Variants in CECR2 observed in about 807,000 individuals in gnomAD.
CECR2 encodes CECR2 histone acetyl-lysine reader, also known as chromatin remodeling regulator CECR2.
CECR2 carries 30 observed loss-of-function variants against 154.5 expected under a neutral mutation model. The ratio of observed to expected loss-of-function variants is 0.19; its 90% CI spans 0.15 to 0.26. The LOEUF is 0.26. Among genes scored for constraint, CECR2 ranks in the 10% least tolerant of loss-of-function variants. The probability of loss-of-function intolerance (pLI) is 1.00; values close to 1 mark genes in which losing one functional copy is unlikely to be tolerated. For missense variants in CECR2, 1,743 were observed against 1,829.3 expected, an observed-to-expected ratio of 0.95 and a Z score of 0.86; for synonymous variants, 725 against 683.7, an observed-to-expected ratio of 1.06 and a Z score of -0.94.
chr22:17,462,071 A>G (rs1181577201), intron 1 of CECR2, among the ~76,000 whole-genome samples: 2 of 151,162 alleles, frequency 1.3e-5, no homozygotes, highest in African/African-American at 2.4e-5. Flanking sequence ...GACTACAGGC[A>G]TGAGCCACCA....
At chr22:17,493,968 TTGG>T (rs764826443) in intron 2 of CECR2, among the ~76,000 whole-genome samples, 1 of 152,256 alleles carries the variant, frequency 6.6e-6, no homozygotes, top group Non-Finnish European at 1.5e-5. Context: ...TTTGTGGAAC[TTGG>T]TGTACATTAG....
intron 1 of CECR2, among the ~76,000 whole-genome samples, chr22:17,388,270 T>A (rs1232599671): frequency 3.3e-5 from 5 of 152,216 alleles, no homozygotes; most frequent in Non-Finnish European, 7.3e-5. Context: ...TCTTCATAGT[T>A]ACTTTTTGTT....
At chr22:17,419,172 C>G (rs193166163) in intron 1 of CECR2, 4 of 153,820 alleles carry the variant, frequency 2.6e-5, no homozygotes, top group African/African-American at 7.2e-5. Context: ...CTGAAGCCCC[C>G]GCGGGGTCAG....
At chr22:17,454,233 A>T (rs1286402017) in intron 1 of CECR2, among the ~76,000 whole-genome samples, 3 of 151,898 alleles carry the variant, frequency 2.0e-5, no homozygotes, top group Non-Finnish European at 4.4e-5. Flanking sequence ...CAGGATTTTG[A>T]GGCTGCAATG....
intron 1 of CECR2, among the ~76,000 whole-genome samples, chr22:17,408,625 G>T (rs1038436591): frequency 6.6e-6 from 1 of 152,140 alleles, no homozygotes; most frequent in East Asian, 1.9e-4. Context: ...CCTGGGATTG[G>T]TGTGCTTGGA....
At chr22:17,451,278 CAG>C (rs1569090789) in intron 1 of CECR2, among the ~76,000 whole-genome samples, 1 of 152,160 alleles carries the variant, frequency 6.6e-6, no homozygotes, top group African/African-American at 2.4e-5. Flanking sequence ...AAAAGGGAGA[CAG>C]GGAGTGGGAC....
intron 1 of CECR2, among the ~76,000 whole-genome samples, chr22:17,434,959 C>T (rs5992705): frequency 6.6e-6 from 1 of 152,016 alleles, no homozygotes; most frequent in African/African-American, 2.4e-5. Context: ...CTAACCTGCT[C>T]CTCATTGATG....
chr22:17,533,588 C>A (rs1400191768), intron 9 of CECR2, among the ~76,000 whole-genome samples: 1 of 151,834 alleles, frequency 6.6e-6, no homozygotes, highest in South Asian at 2.1e-4. Flanking sequence ...TGAAATCACA[C>A]CATTGCACTC....
At chr22:17,447,185 C>T (rs887978118) in intron 1 of CECR2, among the ~76,000 whole-genome samples, 1 of 151,774 alleles carries the variant, frequency 6.6e-6, no homozygotes, top group Admixed American at 6.6e-5. Context: ...CAGGTGCTGG[C>T]CACCATGCCC....
chr22:17,552,944 A>G lies in CECR2; in HGVS notation c.*104A>G. On this transcript the variant is annotated 3_prime_UTR_variant, in exon 19 of 19. Transcript: ENST00000262608. ...CAGCTCTATTCCCATCACCTGCTCCACCCCTTCACGGCGACCCACTCGTGC... is the reference window on the plus strand; with the variant it reads ...CAGCTCTATTCCCATCACCTGCTCCGCCCCTTCACGGCGACCCACTCGTGC... 1.3e-6 allele frequency: 2 copies of G among 1,511,782 alleles called. No individual in the cohort carries two copies. The highest frequency in any genetic ancestry group is 1.3e-5 in the South Asian group (1 of 77,666). The allele number at this position is 1,511,782 out of a possible 1,614,324, so 93.6% of individuals were successfully genotyped here. A position where few individuals can be genotyped will look rare whatever the true frequency, so the allele number is the denominator to read the frequency against.
chr22:17,540,804 A>G lies in CECR2; in HGVS notation c.1884+4A>G. Reference sequence around the variant, plus strand: ...GGCACCCTTTTTAAACCAGATGGTAAGGAATAGAGTGGAGACTGTTGCGGT... The same window carrying G: ...GGCACCCTTTTTAAACCAGATGGTAGGGAATAGAGTGGAGACTGTTGCGGT... On this transcript the variant is annotated splice_donor_region_variant and intron_variant, in intron 14 of 18. Coordinates refer to ENST00000262608, the MANE Select transcript of CECR2 (RefSeq NM_001290047.2). The G allele has an allele frequency of 6.4e-7, 1 of 1,554,414 alleles. No homozygotes were observed. The highest frequency in any genetic ancestry group is 8.7e-7 in the Non-Finnish European group (1 of 1,149,750).
intron 8 of CECR2, among the ~76,000 whole-genome samples, chr22:17,515,677 C>A (rs2056038608): frequency 1.4e-5 from 2 of 140,534 alleles, no homozygotes; most frequent in Admixed American, 7.1e-5. Context: ...CACTACCAAC[C>A]TTTTTTTTTT....
intron 1 of CECR2, among the ~76,000 whole-genome samples, chr22:17,471,863 C>G (rs2055133353): frequency 6.6e-6 from 1 of 152,162 alleles, no homozygotes; most frequent in South Asian, 2.1e-4. Flanking sequence ...GGAGAAGACT[C>G]ATGGAACTTC....
chr22:17,406,259 G>A (rs1487851231), intron 1 of CECR2, among the ~76,000 whole-genome samples: 2 of 152,094 alleles, frequency 1.3e-5, no homozygotes, highest in African/African-American at 2.4e-5. Context: ...GGTGGCTCAC[G>A]CCTGTAATCC....
chr22:17,377,972 A>G (rs2061058553), intron 1 of CECR2, among the ~76,000 whole-genome samples: 2 of 152,020 alleles, frequency 1.3e-5, no homozygotes, highest in Non-Finnish European at 2.9e-5. Flanking sequence ...GGAATGTTAT[A>G]TGCGTTTTGT....
At chr22:17,377,554 C>A (rs946213977) in intron 1 of CECR2, among the ~76,000 whole-genome samples, 1 of 151,932 alleles carries the variant, frequency 6.6e-6, no homozygotes, top group African/African-American at 2.4e-5. Context: ...CATGCCACTG[C>A]CTTTGGCTTC....
intron 1 of CECR2, among the ~76,000 whole-genome samples, chr22:17,432,707 G>C (rs115536239): frequency 0.028 from 4,236 of 152,118 alleles, 194 homozygotes; most frequent in African/African-American, 0.098. Context: ...ATGATCAAAG[G>C]TCACTGCAGC....
chr22:17,503,372 G>T lies in CECR2; in HGVS notation c.700+241G>T, dbSNP rs535292239. ...TAGTGCCCTGTTTACTGGGGACAGT[G>T]TAATAGACACCTTAACGTTGGAGTG... On this transcript the variant is annotated intron_variant, in intron 6 of 18. Coordinates refer to ENST00000262608, the MANE Select transcript of CECR2 (RefSeq NM_001290047.2). 8.0e-4 allele frequency among the ~76,000 whole-genome samples: 122 copies of T among 152,308 alleles called. 2 individuals are homozygous for T. Among genetic ancestry groups the T allele is most frequent in the Middle Eastern group, 3.4e-3 (1 of 294 alleles).
chr22:17,489,357 A>G (rs1569115773), intron 2 of CECR2, among the ~76,000 whole-genome samples: 1 of 152,214 alleles, frequency 6.6e-6, no homozygotes, highest in Non-Finnish European at 1.5e-5. Context: ...TGGAGTGGTT[A>G]TTCATGTGCT....
Sources: allele counts gnomAD v4.1 joint callset (sites outside exome capture counted in the v4.1 genomes callset), GRCh38; gene constraint gnomAD v4.1.1; transcripts MANE v1.5; gene names NCBI Gene and HGNC (gene_info 2026-07-23, HGNC 2026-07-21).